The following PHF14 variants were observed in gnomAD, a reference collection of about 807,000 sequenced individuals.
PHF14 encodes PHD finger protein 14.
Under a neutral mutation model 117.9 loss-of-function variants are expected in PHF14, and 55 were observed. The ratio of observed to expected loss-of-function variants is 0.47; its 90% confidence interval spans 0.38 to 0.58. The LOEUF (loss-of-function observed/expected upper bound fraction) is 0.58, where lower values mean the gene tolerates loss of function less well. Ranked by LOEUF, PHF14 falls within the 20% of genes least tolerant of loss-of-function variation. The probability of loss-of-function intolerance (pLI) is 0.00; values close to 1 mark genes in which losing one functional copy is unlikely to be tolerated. For synonymous variants in PHF14, 409 were observed against 368.6 expected (o/e 1.11, Z -1.26); for missense variants, 978 against 1,122.2 (o/e 0.87, Z 1.84).
At chr7:11,069,864 T>A (rs372949454) in intron 16 of PHF14, among the ~76,000 whole-genome samples, 12 of 150,672 alleles carry the variant, frequency 8.0e-5, no homozygotes, top group East Asian at 4.0e-4. Flanking sequence ...TTATTTATTT[T>A]TTTCTGGTAG....
intron 17 of PHF14, among the ~76,000 whole-genome samples, chr7:11,133,696 T>C (rs34665460): frequency 0.36 from 55,073 of 151,704 alleles, 10,792 homozygotes; most frequent in East Asian, 0.73. Flanking sequence ...GTGTCCTTAC[T>C]GCACTTTTCA....
At chr7:11,101,483 G>A (rs1393779279) in intron 16 of PHF14, among the ~76,000 whole-genome samples, 8 of 151,768 alleles carry the variant, frequency 5.3e-5, no homozygotes, top group South Asian at 2.1e-4. Context: ...AAGTTAGCAC[G>A]TGTGATCTTA....
chr7:11,114,242 G>C (rs1173016466), intron 17 of PHF14, among the ~76,000 whole-genome samples: 1 of 152,002 alleles, frequency 6.6e-6, no homozygotes, highest in Non-Finnish European at 1.5e-5. Context: ...ATAATACATA[G>C]CATGTATAGT....
At chr7:11,007,996 G>C (rs1783186628) in intron 4 of PHF14, among the ~76,000 whole-genome samples, 1 of 152,152 alleles carries the variant, frequency 6.6e-6, no homozygotes, top group African/African-American at 2.4e-5. Flanking sequence ...TTTGTGGGAA[G>C]ATCTTCTAAT....
chr7:11,142,813 A>G (rs1788437545), intron 17 of PHF14, among the ~76,000 whole-genome samples: 3 of 152,130 alleles, frequency 2.0e-5, no homozygotes, highest in African/African-American at 7.2e-5. Context: ...TTTCTACTGT[A>G]AGTTTTCAGA....
At chr7:10,980,936 A>G (rs1782026310) in intron 2 of PHF14, among the ~76,000 whole-genome samples, 1 of 152,164 alleles carries the variant, frequency 6.6e-6, no homozygotes. Context: ...GTTGTTTAGG[A>G]TAAGAGTGTT....
At chr7:10,994,526 C>G (rs1173273870) in intron 4 of PHF14, among the ~76,000 whole-genome samples, 2 of 152,154 alleles carry the variant, frequency 1.3e-5, no homozygotes, top group African/African-American at 2.4e-5. Context: ...GGTGAGCAAG[C>G]TGGTTAGTGG....
intron 4 of PHF14, among the ~76,000 whole-genome samples, chr7:10,994,146 G>A (rs1052326271): frequency 5.9e-5 from 9 of 151,518 alleles, no homozygotes; most frequent in Admixed American, 2.0e-4. Context: ...AGTAGTGAAT[G>A]TAAAGATCTC....
chr7:11,014,216 T>G (rs902534090), intron 5 of PHF14, among the ~76,000 whole-genome samples: 1 of 152,222 alleles, frequency 6.6e-6, no homozygotes, highest in African/African-American at 2.4e-5. Context: ...TTTAAATAAC[T>G]TATTCGTTCA....
rs188046381 is a variant in PHF14 at position 11,020,009 on chromosome 7, G to T, written c.1206-2859G>T. Among the ~76,000 whole-genome samples the T allele has an allele frequency of 9.5e-4, 145 of 151,886 alleles. 1 individual carries two copies. Among genetic ancestry groups the T allele is most frequent in the Non-Finnish European group, 1.1e-3 (77 of 67,956 alleles). On this transcript the variant is annotated intron_variant, in intron 5 of 17. Coordinates refer to ENST00000634607, the MANE Select transcript of PHF14 (RefSeq NM_001007157.2). ...CTGTTCTGAAATGAAATATGGCTTT[G>T]AACTAAATTCCTTAATTTTTAAAAA...
chr7:11,155,859 AG>A (rs1404837516), intron 17 of PHF14, among the ~76,000 whole-genome samples: 3 of 152,024 alleles, frequency 2.0e-5, no homozygotes, highest in Admixed American at 1.3e-4. Context: ...TGGCTTATAT[AG>A]CTTGCTGGAG....
chr7:11,083,464 A>AATTT (rs1554269654), intron 16 of PHF14, among the ~76,000 whole-genome samples: 76 of 112,310 alleles, frequency 6.8e-4, no homozygotes, highest in African/African-American at 2.5e-3. Context: ...TGCTTTCCCT[A>AATTT]TTTTTTTTTT....
At chr7:11,043,763 A>G (rs1048753115) in intron 13 of PHF14, among the ~76,000 whole-genome samples, 5 of 152,044 alleles carry the variant, frequency 3.3e-5, no homozygotes, top group African/African-American at 9.7e-5. Context: ...TATGGTTTTT[A>G]TGTGCTTCAG....
intron 8 of PHF14, among the ~76,000 whole-genome samples, chr7:11,036,072 AGTTT>A (rs1427944190): frequency 2.0e-5 from 3 of 152,164 alleles, no homozygotes; most frequent in South Asian, 2.1e-4. Context: ...ATCTTGTTTC[AGTTT>A]GTTCAAAGGA....
intron 16 of PHF14, chr7:11,104,702 A>G (rs557209857): frequency 6.8e-5 from 56 of 817,738 alleles, no homozygotes; most frequent in Admixed American, 2.5e-4. Flanking sequence ...ATTTGTAAAA[A>G]CACAGGTGAC....
intron 17 of PHF14, among the ~76,000 whole-genome samples, chr7:11,150,276 G>A (rs560142840): frequency 6.6e-6 from 1 of 152,132 alleles, no homozygotes; most frequent in Non-Finnish European, 1.5e-5. Context: ...TATAGTTATG[G>A]TTATTGTTGT....
At position 11,081,065 on chromosome 7, in the gene PHF14, G is replaced by A. The variant is rs186667341; in HGVS notation, c.2654+18980G>A. ...TGAAATTAAATATATATGTATATATGTGTGTGTGTATTTATATGTATATAT... is the reference window on the plus strand; with the variant it reads ...TGAAATTAAATATATATGTATATATATGTGTGTGTATTTATATGTATATAT... On this transcript the variant is annotated intron_variant, in intron 16 of 17. Coordinates refer to ENST00000634607, the MANE Select transcript of PHF14 (RefSeq NM_001007157.2). Among the ~76,000 whole-genome samples the A allele has an allele frequency of 3.6e-3, 549 of 152,144 alleles. 2 individuals carry two copies. Among genetic ancestry groups the A allele is most frequent in the Admixed American group, 6.0e-3 (92 of 15,290 alleles).
chr7:11,056,812 A>C (rs1449958061), intron 14 of PHF14, among the ~76,000 whole-genome samples: 1 of 148,692 alleles, frequency 6.7e-6, no homozygotes, highest in Non-Finnish European at 1.5e-5. Flanking sequence ...TAGGAATTAA[A>C]TATATATTAT....
chr7:11,149,685 A>G (rs1399855749), intron 17 of PHF14, among the ~76,000 whole-genome samples: 1 of 152,194 alleles, frequency 6.6e-6, no homozygotes, highest in Non-Finnish European at 1.5e-5. Flanking sequence ...AAGAATGCTG[A>G]TACAGAATTT....
Sources: allele counts gnomAD v4.1 joint callset (sites outside exome capture counted in the v4.1 genomes callset), GRCh38; gene constraint gnomAD v4.1.1; transcripts MANE v1.5; gene names NCBI Gene and HGNC (gene_info 2026-07-23, HGNC 2026-07-21).